The following MAP4 variants were observed in gnomAD, a reference collection of about 807,000 sequenced individuals.
MAP4 encodes the protein microtubule associated protein 4.
In MAP4, 76 loss-of-function variants were observed where a neutral mutation model predicts 170.2. That is an observed-to-expected ratio of 0.45 (90% confidence interval 0.37 to 0.54). The LOEUF is 0.54. Ranked by LOEUF, MAP4 falls within the 20% of genes least tolerant of loss-of-function variation. The pLI is 0.00. For missense variants in MAP4, 2,506 were observed against 2,748.0 expected (o/e 0.91, Z 1.97); for synonymous variants, 909 against 994.5 (o/e 0.91, Z 1.62).
At chr3:47,981,476 A>G (rs528386861) in intron 2 of MAP4, among the ~76,000 whole-genome samples, 5 of 152,152 alleles carry the variant, frequency 3.3e-5, no homozygotes, top group African/African-American at 7.2e-5. Flanking sequence ...TAATAATAAT[A>G]AAAAAGAACC....
chr3:48,060,823 T>A (rs535913571), intron 1 of MAP4, among the ~76,000 whole-genome samples: 1 of 152,098 alleles, frequency 6.6e-6, no homozygotes, highest in East Asian at 1.9e-4. Flanking sequence ...AAATAAAAAA[T>A]TAAAAACGAA....
intron 1 of MAP4, among the ~76,000 whole-genome samples, chr3:48,031,643 T>C (rs924304746): frequency 2.6e-5 from 4 of 152,036 alleles, no homozygotes; most frequent in African/African-American, 9.7e-5. Context: ...GAGGATCACT[T>C]GGGCCCTGGA....
chr3:48,082,890 T>C (rs576979348), intron 1 of MAP4, among the ~76,000 whole-genome samples: 4 of 151,362 alleles, frequency 2.6e-5, no homozygotes, highest in Admixed American at 2.6e-4. Flanking sequence ...GTAAACCATC[T>C]CTATGGTATT....
At chr3:48,055,194 CTCTCCGTCTCCG>C (rs1209559579) in intron 1 of MAP4, among the ~76,000 whole-genome samples, 15,709 of 98,098 alleles carry the variant, frequency 0.16, 1,586 homozygotes, top group African/African-American at 0.33. Flanking sequence ...CTCCCTCTCC[CTCTCCGTCTCCG>C]TCTCCGTCTC....
chr3:47,941,900 T>C (rs372284024), intron 3 of MAP4, among the ~76,000 whole-genome samples: 1 of 152,188 alleles, frequency 6.6e-6, no homozygotes, highest in African/African-American at 2.4e-5. Context: ...TAAAATGAGA[T>C]AAGTATTTTT....
At chr3:47,941,305 C>G (rs2100056250) in intron 3 of MAP4, among the ~76,000 whole-genome samples, 1 of 146,410 alleles carries the variant, frequency 6.8e-6, no homozygotes. Flanking sequence ...AAATCAAATA[C>G]CCATAGTTAC....
chr3:48,054,054 A>G (rs759930089), intron 1 of MAP4, among the ~76,000 whole-genome samples: 4 of 152,146 alleles, frequency 2.6e-5, no homozygotes, highest in Admixed American at 6.6e-5. Context: ...CTGTGATCCC[A>G]AAACTTTGGA....
intron 1 of MAP4, among the ~76,000 whole-genome samples, chr3:48,022,005 A>C (rs537369227): frequency 6.6e-6 from 1 of 152,304 alleles, no homozygotes; most frequent in African/African-American, 2.4e-5. Context: ...AAAACAAAAC[A>C]AGAGGCCAAT....
chr3:47,994,905 T>C (rs1199720114), intron 2 of MAP4, among the ~76,000 whole-genome samples: 1 of 149,086 alleles, frequency 6.7e-6, no homozygotes, highest in Non-Finnish European at 1.5e-5. Context: ...GCAGAGATCG[T>C]GCCACTGCAC....
At chr3:48,088,127 G>C (rs963965525) in intron 1 of MAP4, among the ~76,000 whole-genome samples, 1 of 152,224 alleles carries the variant, frequency 6.6e-6, no homozygotes, top group African/African-American at 2.4e-5. Context: ...CACAATCTCT[G>C]TTCTGGGTAA....
intron 17 of MAP4, among the ~76,000 whole-genome samples, chr3:47,859,669 A>G (rs961594152): frequency 6.6e-6 from 1 of 152,242 alleles, no homozygotes; most frequent in Non-Finnish European, 1.5e-5. Flanking sequence ...GAACTATACC[A>G]TAATGGCTTC....
intron 10 of MAP4, among the ~76,000 whole-genome samples, chr3:47,882,278 T>A (rs1480680456): frequency 6.6e-6 from 1 of 152,150 alleles, no homozygotes; most frequent in East Asian, 1.9e-4. Context: ...AAACTCCATC[T>A]CAGTAAATAA....
intron 1 of MAP4, among the ~76,000 whole-genome samples, chr3:48,002,678 C>T (rs553745732): frequency 4.6e-5 from 7 of 152,200 alleles, no homozygotes; most frequent in African/African-American, 1.2e-4. Flanking sequence ...GCCAGGAGTT[C>T]GAGACCAGCC....
At chr3:48,065,272 C>G (rs1389750593) in intron 1 of MAP4, among the ~76,000 whole-genome samples, 1 of 152,220 alleles carries the variant, frequency 6.6e-6, no homozygotes, top group Non-Finnish European at 1.5e-5. Flanking sequence ...AGCAATCTAA[C>G]TCCTTACAAC....
At chr3:48,046,566 C>T (rs1019688512) in intron 1 of MAP4, among the ~76,000 whole-genome samples, 4 of 152,168 alleles carry the variant, frequency 2.6e-5, no homozygotes, top group Admixed American at 6.5e-5. Flanking sequence ...ATTAATGACC[C>T]GTCTACTTCC....
chr3:47,974,944 G>C, intron 3 of MAP4: 1 of 986,168 alleles, frequency 1.0e-6, no homozygotes, highest in Non-Finnish European at 1.2e-6. Flanking sequence ...CTAAAAGCAA[G>C]CTCAGAGAAG....
At chr3:47,996,432 T>C (rs1481759084) in intron 2 of MAP4, among the ~76,000 whole-genome samples, 1 of 151,884 alleles carries the variant, frequency 6.6e-6, no homozygotes, top group Non-Finnish European at 1.5e-5. Flanking sequence ...ACTCTTCCGA[T>C]AAGAGAGAAA....
upstream of MAP4, among the ~76,000 whole-genome samples, chr3:48,021,336 AGTTTTTGTTT>A (rs2100110454): frequency 6.6e-6 from 1 of 150,996 alleles, no homozygotes; most frequent in South Asian, 2.1e-4. Context: ...ACTAATCTAT[AGTTTTTGTTT>A]GTTTTTGTTT....
At chr3:48,067,024 T>C (rs1178786667) in intron 1 of MAP4, among the ~76,000 whole-genome samples, 2 of 151,914 alleles carry the variant, frequency 1.3e-5, no homozygotes, top group East Asian at 3.9e-4. Flanking sequence ...GTATTTTCAG[T>C]AGAGATGGGG....
Sources: allele counts gnomAD v4.1 joint callset (sites outside exome capture counted in the v4.1 genomes callset), GRCh38; gene constraint gnomAD v4.1.1; transcripts MANE v1.5; gene names NCBI Gene and HGNC (gene_info 2026-07-23, HGNC 2026-07-21).